ZEB1: variants seen among roughly 807,000 people sequenced by gnomAD.
The protein encoded by ZEB1 is zinc finger E-box binding homeobox 1, also known as zinc finger E-box-binding homeobox 1.
In ZEB1, 21 loss-of-function variants were observed where a neutral mutation model predicts 84.9. The observed-to-expected ratio is 0.25, with a 90% confidence interval of 0.18 to 0.36. The LOEUF is 0.36. Ranked by LOEUF, ZEB1 falls within the 10% of genes least tolerant of loss-of-function variation. The pLI is 1.00. For synonymous variants in ZEB1, 420 were observed against 471.1 expected (o/e 0.89, Z 1.41); for missense variants, 1,104 against 1,330.2 (o/e 0.83, Z 2.65).
chr10:31,385,318 A>G (rs919180266), intron 1 of ZEB1, among the ~76,000 whole-genome samples: 1 of 152,162 alleles, frequency 6.6e-6, no homozygotes, highest in African/African-American at 2.4e-5. Context: ...ATTGTCCAGT[A>G]TGTTTTGAGT....
Position 31,453,493 on chromosome 10 carries a change from A to G in ZEB1, c.59-7544A>G, listed in dbSNP as rs76912735. On this transcript the variant is annotated intron_variant, in intron 1 of 8. Transcript: ENST00000424869. ...TTTTGGAACCATACTCATATAAGTT[A>G]TCTAATGCTTTTTTATGATTGTACA... Among the ~76,000 whole-genome samples the G allele has an allele frequency of 6.2e-3, 951 of 152,300 alleles. 8 individuals are homozygous for G. The highest frequency in any genetic ancestry group is 0.022 in the African/African-American group (908 of 41,572).
At chr10:31,435,926 A>T (rs1286186941) in intron 1 of ZEB1, among the ~76,000 whole-genome samples, 1 of 152,194 alleles carries the variant, frequency 6.6e-6, no homozygotes, top group African/African-American at 2.4e-5. Context: ...AACTAGTGGC[A>T]TTGGTGCCTG....
At chr10:31,523,237 G>A (rs1309765615) in intron 7 of ZEB1, among the ~76,000 whole-genome samples, 1 of 152,190 alleles carries the variant, frequency 6.6e-6, no homozygotes, top group Non-Finnish European at 1.5e-5. Context: ...GGGTTATTTG[G>A]CTTACATAAG....
At chr10:31,472,077 T>A (rs1369089863) in intron 2 of ZEB1, among the ~76,000 whole-genome samples, 2 of 148,578 alleles carry the variant, frequency 1.3e-5, no homozygotes, top group African/African-American at 5.1e-5. Context: ...TAGAGGGAAA[T>A]TTATAGCACT....
At chr10:31,333,591 AGG>A (rs1242227616) in intron 1 of ZEB1, among the ~76,000 whole-genome samples, 1 of 152,078 alleles carries the variant, frequency 6.6e-6, no homozygotes, top group African/African-American at 2.4e-5. Flanking sequence ...CTAGTAGAGA[AGG>A]GAAGTAGAAC....
intron 1 of ZEB1, among the ~76,000 whole-genome samples, chr10:31,411,638 CA>C (rs11440732): frequency 2.3e-4 from 23 of 98,092 alleles, no homozygotes; most frequent in Admixed American, 1.1e-3. Context: ...GACTCCGTCT[CA>C]AAAAAAAAAA....
At chr10:31,483,809 CACTT>C (rs748409604) in intron 2 of ZEB1, among the ~76,000 whole-genome samples, 5 of 152,030 alleles carry the variant, frequency 3.3e-5, no homozygotes, top group Non-Finnish European at 7.4e-5. Flanking sequence ...AATGACAACA[CACTT>C]ACGATTTAAA....
At chr10:31,453,787 T>C (rs1444394216) in intron 1 of ZEB1, among the ~76,000 whole-genome samples, 1 of 151,756 alleles carries the variant, frequency 6.6e-6, no homozygotes, top group African/African-American at 2.4e-5. Context: ...TAAAAAAAAA[T>C]GTCCAGGACC....
At chr10:31,485,616 T>A (rs187769408) in intron 2 of ZEB1, among the ~76,000 whole-genome samples, 104 of 152,038 alleles carry the variant, frequency 6.8e-4, no homozygotes, top group African/African-American at 2.4e-3. Flanking sequence ...TAAAAATCTG[T>A]AAACACTCCT....
chr10:31,511,178 T>C (rs913681310), intron 5 of ZEB1, among the ~76,000 whole-genome samples: 1 of 152,190 alleles, frequency 6.6e-6, no homozygotes, highest in Non-Finnish European at 1.5e-5. Context: ...TTAGAAGATG[T>C]TAAATTGCAT....
intron 2 of ZEB1, among the ~76,000 whole-genome samples, chr10:31,485,978 A>C (rs1384518628): frequency 6.6e-6 from 1 of 151,912 alleles, no homozygotes; most frequent in African/African-American, 2.4e-5. Flanking sequence ...ATCATACAAC[A>C]TGAAACATAA....
intron 2 of ZEB1, among the ~76,000 whole-genome samples, chr10:31,466,991 C>T (rs161231): frequency 0.24 from 36,903 of 151,988 alleles, 10,201 homozygotes; most frequent in African/African-American, 0.68. Flanking sequence ...TGAGTAAACC[C>T]TCACACTTTC....
intron 1 of ZEB1, among the ~76,000 whole-genome samples, chr10:31,398,449 C>G (rs2051239889): frequency 1.3e-5 from 2 of 152,070 alleles, no homozygotes; most frequent in African/African-American, 4.8e-5. Flanking sequence ...ATTCTGCCTT[C>G]TCTCTCTGCA....
chr10:31,356,030 G>A (rs1291472109), intron 1 of ZEB1, among the ~76,000 whole-genome samples: 2 of 152,044 alleles, frequency 1.3e-5, no homozygotes, highest in Non-Finnish European at 2.9e-5. Flanking sequence ...AATTTGGGAT[G>A]TGAACAAAGC....
At chr10:31,475,095 G>T (rs1309291594) in intron 2 of ZEB1, among the ~76,000 whole-genome samples, 1 of 151,744 alleles carries the variant, frequency 6.6e-6, no homozygotes, top group East Asian at 1.9e-4. Flanking sequence ...AGCATTGGGA[G>T]ATATACCTAA....
At chr10:31,463,133 T>C (rs1171264925) in intron 2 of ZEB1, among the ~76,000 whole-genome samples, 1 of 152,148 alleles carries the variant, frequency 6.6e-6, no homozygotes, top group Non-Finnish European at 1.5e-5. Flanking sequence ...AATTACGTAG[T>C]TGATCCAGAG....
At position 31,462,041 on chromosome 10, in the gene ZEB1, T is replaced by C. The variant is rs543399207; in HGVS notation, c.259+804T>C. 5.3e-5 allele frequency among the ~76,000 whole-genome samples: 8 copies of C among 152,090 alleles called. No homozygotes were observed. In the South Asian group the frequency reaches 1.7e-3, roughly 32 times the overall value. On this transcript the variant is annotated intron_variant, in intron 2 of 8. Transcript: ENST00000424869. The stretch of plus-strand genomic sequence containing the variant: ...AAACAAGTACACGCAATAAATCGAA[T>C]CCAAGACCAGTCAAAGGAGAAGCTT...
chr10:31,506,065 G>T (rs1252329048), intron 4 of ZEB1, among the ~76,000 whole-genome samples: 3 of 151,938 alleles, frequency 2.0e-5, no homozygotes, highest in Non-Finnish European at 4.4e-5. Flanking sequence ...TCATGTGTGT[G>T]TAGAGTTTCC....
At chr10:31,372,432 A>G (rs954140643) in intron 1 of ZEB1, among the ~76,000 whole-genome samples, 4 of 152,086 alleles carry the variant, frequency 2.6e-5, no homozygotes, top group African/African-American at 4.8e-5. Flanking sequence ...GACAGGCCCT[A>G]TGAAGAGTAG....
Sources: gnomAD v4.1 joint callset for allele counts (sites outside exome capture counted in the v4.1 genomes callset) on GRCh38, gnomAD v4.1.1 for gene constraint, MANE v1.5 for transcripts, NCBI Gene and HGNC (gene_info 2026-07-23, HGNC 2026-07-21) for gene names.